Variants in SLC47A1 observed in about 807,000 individuals in gnomAD.
The protein encoded by SLC47A1 is solute carrier family 47 member 1, also known as multidrug and toxin extrusion protein 1.
In SLC47A1, 58 loss-of-function variants were observed where a neutral mutation model predicts 65.8. The observed-to-expected ratio is 0.88, with a 90% CI of 0.71 to 1.10. The LOEUF (loss-of-function observed/expected upper bound fraction) is 1.10. Among genes scored for constraint, SLC47A1 ranks in the 50% least tolerant of loss-of-function variants. SLC47A1 has a pLI of 0.00. For missense variants in SLC47A1, 706 were observed against 719.2 expected (o/e 0.98, Z 0.21); for synonymous variants, 285 against 295.0 (o/e 0.97, Z 0.35).
intron 10 of SLC47A1, among the ~76,000 whole-genome samples, chr17:19,556,615 A>G (rs900296508): frequency 2.0e-5 from 3 of 149,600 alleles, no homozygotes; most frequent in African/African-American, 7.4e-5. Context: ...CTGGAGTGCA[A>G]TGGTGTGATC....
chr17:19,559,849 A>G (rs1239944883), intron 10 of SLC47A1, among the ~76,000 whole-genome samples: 1 of 150,328 alleles, frequency 6.7e-6, no homozygotes, highest in Non-Finnish European at 1.5e-5. Context: ...CCTATTTAAA[A>G]ACAAAAACAA....
chr17:19,549,017 A>C (rs1170171300), intron 4 of SLC47A1, among the ~76,000 whole-genome samples: 7 of 152,176 alleles, frequency 4.6e-5, no homozygotes, highest in Non-Finnish European at 8.8e-5. Context: ...GGTAGAAGGC[A>C]GGAGGCTGTG....
intron 16 of SLC47A1, among the ~76,000 whole-genome samples, chr17:19,575,697 G>A (rs1355432372): frequency 1.3e-5 from 2 of 152,118 alleles, no homozygotes; most frequent in Admixed American, 6.6e-5. Flanking sequence ...ACCACGCCTG[G>A]CCTATTACTC....
Position 19,567,055 on chromosome 17 carries a change from G to A in SLC47A1, c.1177-41G>A, listed in dbSNP as rs75002439. On this transcript the variant is annotated intron_variant, in intron 13 of 16. Transcript: ENST00000270570. ...CGGGAGATGGGAGTGTTTCAAGAGC[G>A]CCGGATGTGTTCACAGTGATGGAAT... 18 of 1,613,702 alleles carry A rather than the reference G, an allele frequency of 1.1e-5. No individual in the cohort carries two copies. The Admixed American group carries it at 1.2e-4, about 10-fold the overall frequency.
intron 2 of SLC47A1, among the ~76,000 whole-genome samples, chr17:19,543,406 G>A (rs567482959): frequency 7.2e-5 from 11 of 152,048 alleles, no homozygotes; most frequent in South Asian, 2.1e-4. Context: ...CACTGCGCCC[G>A]GCCTACATCA....
intron 1 of SLC47A1, chr17:19,534,433 G>A (rs952427136): frequency 4.7e-6 from 1 of 213,768 alleles, no homozygotes; most frequent in Non-Finnish European, 9.2e-6. Flanking sequence ...GGCTGCATTT[G>A]CATCCGGGGG....
intron 2 of SLC47A1, among the ~76,000 whole-genome samples, chr17:19,544,356 G>A (rs1916231438): frequency 1.3e-5 from 2 of 152,226 alleles, no homozygotes; most frequent in South Asian, 4.1e-4. Flanking sequence ...AATGCACTTA[G>A]CAAGCCTCAG....
intron 2 of SLC47A1, among the ~76,000 whole-genome samples, chr17:19,545,121 A>T (rs1209984928): frequency 6.6e-6 from 1 of 152,150 alleles, no homozygotes; most frequent in Non-Finnish European, 1.5e-5. Context: ...TCTCATGCTG[A>T]TTCAGTTCCT....
chr17:19,571,409 C>A, intron 14 of SLC47A1, 69 bp from the exon 15 acceptor site: 1 of 1,378,206 alleles, frequency 7.3e-7, no homozygotes, highest in South Asian at 1.2e-5. Flanking sequence ...GTGATATAGG[C>A]AAAACATACT....
rs182681929 is a variant in SLC47A1, at chr17:19,556,161, T to C, written c.921+99T>C. 47 of 1,367,106 alleles carry C rather than the reference T, an allele frequency of 3.4e-5. No individual in the cohort carries two copies. The African/African-American group carries it at 6.4e-4, about 19-fold the overall frequency. The allele number at this position is 1,367,106 out of a possible 1,614,324, so 84.7% of individuals were successfully genotyped here. ...AGCACAGGCATTCGTACATGAATCATTTGTGAAATGATGGACAAAAGTCAA... is the reference window on the plus strand; with the variant it reads ...AGCACAGGCATTCGTACATGAATCACTTGTGAAATGATGGACAAAAGTCAA... On this transcript the variant is annotated intron_variant, in intron 10 of 16. Coordinates refer to ENST00000270570, the MANE Select transcript of SLC47A1 (RefSeq NM_018242.3).
rs1056566375 is a variant in SLC47A1 at position 19,533,869 on chromosome 17, G to C, written c.-71G>C. On this transcript the variant is annotated 5_prime_UTR_variant, in exon 1 of 17. Coordinates refer to ENST00000270570, the MANE Select transcript of SLC47A1 (RefSeq NM_018242.3). ...CGCGGTACCCACTGCCGGCCTGCGC[G>C]GTACTCACTGCCGGCCTCCGCGGTA... 5 of 1,361,726 alleles carry C rather than the reference G, an allele frequency of 3.7e-6. No homozygotes were observed. In the African/African-American group the frequency reaches 6.6e-5, roughly 18 times the overall value. 84.4% of individuals were successfully genotyped at this position (1,361,726 alleles called of 1,614,324 possible). A position where few individuals can be genotyped will look rare whatever the true frequency, so the allele number is the denominator to read the frequency against.
chr17:19,577,522 T>C lies in SLC47A1; in HGVS notation c.1682T>C (p.Ile561Thr). The C allele has an allele frequency of 6.2e-7, 1 of 1,614,062 alleles. No individual in the cohort carries two copies. Among genetic ancestry groups the C allele is most frequent in the Non-Finnish European group, 8.5e-7 (1 of 1,179,996 alleles). The stretch of plus-strand genomic sequence containing the variant: ...GTCTTCTTAATCTTGCTGGTGGGGA[T>C]TTTAGTGAGATTCTATGTCAGAATT... ...LGVFLILLVG[I>T]LVRFYVRIQ The change falls in exon 17 of 17, where the codon ATT becomes ACT. Residue 561 changes from isoleucine (I) to threonine (T), a missense_variant. Physicochemically the swap from Ile to Thr is moderately conservative, Grantham distance 89. Coordinates refer to ENST00000270570, the MANE Select transcript of SLC47A1 (RefSeq NM_018242.3).
chr17:19,541,545 C>T (rs1419222095), intron 1 of SLC47A1, among the ~76,000 whole-genome samples: 2 of 152,182 alleles, frequency 1.3e-5, no homozygotes, highest in Non-Finnish European at 2.9e-5. Context: ...CCAGAATTTG[C>T]CCTCACATCT....
intron 2 of SLC47A1, among the ~76,000 whole-genome samples, chr17:19,544,787 C>G (rs1916243889): frequency 6.6e-6 from 1 of 152,216 alleles, no homozygotes; most frequent in East Asian, 1.9e-4. Flanking sequence ...AGCAAAGTGA[C>G]TTTTTAAAAG....
intron 4 of SLC47A1, among the ~76,000 whole-genome samples, chr17:19,549,352 C>T (rs1180598667): frequency 6.6e-6 from 1 of 152,076 alleles, no homozygotes; most frequent in Non-Finnish European, 1.5e-5. Context: ...GTGGCCGCCA[C>T]CACACTTGGT....
At chr17:19,546,763 C>G (rs1916302257) in intron 3 of SLC47A1, among the ~76,000 whole-genome samples, 1 of 152,136 alleles carries the variant, frequency 6.6e-6, no homozygotes. Flanking sequence ...CCTTCTATTG[C>G]TCCCCACGTT....
chr17:19,577,455 A>G lies in SLC47A1; in HGVS notation c.1615A>G (p.Arg539Gly), dbSNP rs2084449923. The G allele has an allele frequency of 4.3e-6, 7 of 1,614,212 alleles. No homozygotes were observed. The highest frequency in any genetic ancestry group is 5.9e-6 in the Non-Finnish European group (7 of 1,180,038). ...EHPQDGAKLS[R>G]KQLVLRRGLL... ...TCCACAGGACGGCGCTAAATTGTCC[A>G]GGAAACAGCTGGTGCTGCGGCGAGG... The change falls in exon 17 of 17, where the codon AGG becomes GGG. Residue 539 changes from arginine (R) to glycine (G), a missense_variant. Coordinates refer to ENST00000270570, the MANE Select transcript of SLC47A1 (RefSeq NM_018242.3).
At chr17:19,539,694 CAGA>C (rs1916087185) in intron 1 of SLC47A1, among the ~76,000 whole-genome samples, 3 of 152,148 alleles carry the variant, frequency 2.0e-5, no homozygotes, top group Non-Finnish European at 4.4e-5. Flanking sequence ...CCATGTTGGC[CAGA>C]CTGGTCTCGA....
chr17:19,548,197 G>A, intron 4 of SLC47A1, 64 bp downstream of exon 4: 1 of 1,560,930 alleles, frequency 6.4e-7, no homozygotes, highest in Non-Finnish European at 8.7e-7. Context: ...TCCTGTCTGG[G>A]TGCAGCCAGG....
Sources: allele counts gnomAD v4.1 joint callset (sites outside exome capture counted in the v4.1 genomes callset), GRCh38; gene constraint gnomAD v4.1.1; transcripts MANE v1.5; gene names NCBI Gene and HGNC (gene_info 2026-07-23, HGNC 2026-07-21).